The following ASPH variants were observed in gnomAD, a reference collection of about 807,000 sequenced individuals.
ASPH encodes aspartyl/asparaginyl beta-hydroxylase.
ASPH carries 100 observed loss-of-function variants against 118.4 expected under a neutral mutation model. The ratio of observed to expected loss-of-function variants is 0.84; its 90% CI spans 0.72 to 1.00. ASPH has a LOEUF of 1.00. Ranked by LOEUF, ASPH falls within the 50% of genes least tolerant of loss-of-function variation. ASPH has a pLI of 0.00. For missense variants in ASPH, 920 were observed against 919.5 expected (o/e 1.00, Z -0.01); for synonymous variants, 315 against 325.6 (o/e 0.97, Z 0.35).
intron 18 of ASPH, among the ~76,000 whole-genome samples, chr8:61,558,987 T>C (rs944608432): frequency 1.3e-5 from 2 of 152,212 alleles, no homozygotes; most frequent in African/African-American, 4.8e-5. Flanking sequence ...TTCCTCTTAA[T>C]GAATAGCAAA....
rs113651084 is a variant in ASPH at position 61,600,131 on chromosome 8, T to C, written c.977-16102A>G. Among the ~76,000 whole-genome samples, 1,179 of 152,054 alleles carry C rather than the reference T, an allele frequency of 7.8e-3. 13 individuals are homozygous for C. Among genetic ancestry groups the C allele is most frequent in the African/African-American group, 0.026 (1,091 of 41,502 alleles). On this transcript the variant is annotated intron_variant, in intron 14 of 24. Coordinates refer to ENST00000379454, the MANE Select transcript of ASPH (RefSeq NM_004318.4). ...ATGAAAATAAAAAAAAATACATCGA[T>C]AGGACAAAAACCATATGATCATCTC...
intron 14 of ASPH, among the ~76,000 whole-genome samples, chr8:61,602,872 TA>T (rs1342851091): frequency 1.4e-5 from 2 of 146,220 alleles, no homozygotes; most frequent in African/African-American, 5.6e-5. Context: ...TATAAAAATA[TA>T]ACCACAATAC....
chr8:61,581,444 A>G (rs112592153), intron 15 of ASPH, among the ~76,000 whole-genome samples: 1,533 of 152,320 alleles, frequency 0.01, 31 homozygotes, highest in African/African-American at 0.034. Context: ...CATGAGGCCA[A>G]TGGGCTGTGC....
intron 15 of ASPH, chr8:61,579,601 T>C: frequency 6.6e-7 from 1 of 1,522,208 alleles, no homozygotes; most frequent in Non-Finnish European, 9.0e-7. Flanking sequence ...TCCAGGGCCG[T>C]GGTTGTGAAG....
chr8:61,669,320 G>A (rs532232861), intron 3 of ASPH, among the ~76,000 whole-genome samples: 1 of 152,208 alleles, frequency 6.6e-6, no homozygotes, highest in Admixed American at 6.5e-5. Flanking sequence ...TCATCCATTC[G>A]AGAATGGTAA....
At chr8:61,519,587 C>T (rs1458612943) in intron 22 of ASPH, among the ~76,000 whole-genome samples, 1 of 152,208 alleles carries the variant, frequency 6.6e-6, no homozygotes, top group South Asian at 2.1e-4. Flanking sequence ...GTAAGTGGCA[C>T]TGAGATTTCT....
At chr8:61,515,316 C>T (rs1278403919) in intron 24 of ASPH, among the ~76,000 whole-genome samples, 1 of 152,116 alleles carries the variant, frequency 6.6e-6, no homozygotes, top group Non-Finnish European at 1.5e-5. Context: ...GGCAGAGAGA[C>T]CCTGAAGACC....
chr8:61,562,716 A>T (rs755619020), intron 18 of ASPH, 28 bp downstream of exon 18: 3 of 1,560,762 alleles, frequency 1.9e-6, no homozygotes, highest in Non-Finnish European at 2.6e-6. Flanking sequence ...ACTTAATTTG[A>T]CGTAGTTAAT....
At chr8:61,633,563 G>A (rs1588394875) in intron 13 of ASPH, 120 bp downstream of exon 13, 3 of 809,974 alleles carry the variant, frequency 3.7e-6, no homozygotes, top group Non-Finnish European at 5.6e-6. Context: ...CTAAATTAAG[G>A]TACAGTTAAT....
intron 1 of ASPH, among the ~76,000 whole-genome samples, chr8:61,698,826 C>T (rs1213458134): frequency 6.6e-6 from 1 of 152,234 alleles, no homozygotes; most frequent in Non-Finnish European, 1.5e-5. Context: ...CACAATATCA[C>T]AGATGGCCAA....
At chr8:61,688,259 GA>G (rs1337262180) in intron 1 of ASPH, among the ~76,000 whole-genome samples, 1 of 152,104 alleles carries the variant, frequency 6.6e-6, no homozygotes, top group East Asian at 1.9e-4. Context: ...GTAGTTCTGG[GA>G]TCAGTCAAAG....
At chr8:61,664,864 T>C (rs977304103) in intron 3 of ASPH, 1 of 994,096 alleles carries the variant, frequency 1.0e-6, no homozygotes, top group Non-Finnish European at 1.2e-6. Flanking sequence ...TCCATCTCCC[T>C]GAGTATTTAG....
chr8:61,566,219 G>A (rs1587272528), intron 17 of ASPH, among the ~76,000 whole-genome samples: 1 of 152,146 alleles, frequency 6.6e-6, no homozygotes, highest in Non-Finnish European at 1.5e-5. Context: ...AGTTTGGGGA[G>A]GAAGTTGCTT....
chr8:61,694,427 A>AG (rs1833443867), intron 1 of ASPH, among the ~76,000 whole-genome samples: 1 of 152,158 alleles, frequency 6.6e-6, no homozygotes, highest in Admixed American at 6.5e-5. Flanking sequence ...TACAACCTGT[A>AG]GGCTTCCATC....
chr8:61,633,821 T>C (rs535097123), intron 12 of ASPH, 94 bp from the exon 13 acceptor site: 11 of 835,564 alleles, frequency 1.3e-5, no homozygotes, highest in Middle Eastern at 7.0e-4. Flanking sequence ...ATACTTTTCA[T>C]AGATTTTTTA....
At chr8:61,576,345 T>C (rs1047144285) in intron 16 of ASPH, among the ~76,000 whole-genome samples, 1 of 152,176 alleles carries the variant, frequency 6.6e-6, no homozygotes, top group African/African-American at 2.4e-5. Flanking sequence ...AATGAGTCCG[T>C]TGGAAAAAAC....
chr8:61,675,699 G>A, intron 3 of ASPH: 1 of 1,009,358 alleles, frequency 9.9e-7, no homozygotes. Context: ...ATAATTAATA[G>A]TGTGTTAGAA....
chr8:61,638,327 ATT>A lies in ASPH; in HGVS notation c.825_826del (p.Glu275AspfsTer9), dbSNP rs1858807288. ...TGCTTACAGAAAAAACTTACCTGTGATTTCTATCCCTTCATTTTCTAGAGGTT... is the reference window on the plus strand; with the variant it reads ...TGCTTACAGAAAAAACTTACCTGTGATCTATCCCTTCATTTTCTAGAGGTT... On this transcript the variant is annotated frameshift_variant, in exon 11 of 25. Transcript: ENST00000379454. LOFTEE classifies it high-confidence loss of function. 1 of 1,597,672 alleles carries A rather than the reference ATT, an allele frequency of 6.3e-7. No individual in the cohort carries two copies. Among genetic ancestry groups the A allele is most frequent in the South Asian group, 1.2e-5 (1 of 86,260 alleles).
chr8:61,649,783 T>A (rs1809960654), intron 5 of ASPH, among the ~76,000 whole-genome samples: 1 of 152,038 alleles, frequency 6.6e-6, no homozygotes, highest in Non-Finnish European at 1.5e-5. Context: ...CCAGCTGCAC[T>A]CTTGCATCCC....
Sources: allele counts gnomAD v4.1 joint callset (sites outside exome capture counted in the v4.1 genomes callset), GRCh38; gene constraint gnomAD v4.1.1; transcripts MANE v1.5; gene names NCBI Gene and HGNC (gene_info 2026-07-23, HGNC 2026-07-21).